RBFOX1: variants seen among roughly 807,000 people sequenced by gnomAD.
RBFOX1 encodes RNA binding fox-1 homolog 1, also known as RNA binding protein fox-1 homolog 1.
A neutral mutation model predicts 57.7 loss-of-function variants in RBFOX1; 8 were observed. The observed-to-expected ratio is 0.14, with a 90% CI of 0.08 to 0.25. The LOEUF (loss-of-function observed/expected upper bound fraction) is 0.25. RBFOX1 is among the 10% of genes least tolerant of loss of function. The pLI is 1.00. For missense variants in RBFOX1, 611 were observed against 548.5 expected (o/e 1.11, Z -1.14); for synonymous variants, 326 against 222.4 (o/e 1.47, Z -4.15).
At chr16:6,630,687 A>T (rs1185136252) in intron 2 of RBFOX1, among the ~76,000 whole-genome samples, 2 of 152,204 alleles carry the variant, frequency 1.3e-5, no homozygotes, top group African/African-American at 4.8e-5. Flanking sequence ...ATTTCTGTTA[A>T]GTATCTCCAT....
At chr16:7,003,253 G>C (rs1394917251) in intron 3 of RBFOX1, among the ~76,000 whole-genome samples, 1 of 152,030 alleles carries the variant, frequency 6.6e-6, no homozygotes, top group Non-Finnish European at 1.5e-5. Context: ...AAGGTCAGCA[G>C]ATCAAGACCA....
chr16:7,591,905 C>T (rs978097221), intron 7 of RBFOX1, among the ~76,000 whole-genome samples: 4 of 152,200 alleles, frequency 2.6e-5, no homozygotes, highest in Admixed American at 6.5e-5. Flanking sequence ...TTAGCACCCG[C>T]TCTCAAGGTT....
At chr16:5,334,099 G>C (rs1468818951) in intron 1 of RBFOX1, among the ~76,000 whole-genome samples, 1 of 152,178 alleles carries the variant, frequency 6.6e-6, no homozygotes, top group Non-Finnish European at 1.5e-5. Flanking sequence ...GTATTTAAGG[G>C]TTTAGGGCGA....
chr16:7,257,408 G>C (rs1357901685), intron 4 of RBFOX1, among the ~76,000 whole-genome samples: 4 of 152,092 alleles, frequency 2.6e-5, no homozygotes, highest in African/African-American at 4.8e-5. Flanking sequence ...TATTTCTGAA[G>C]TCACTGTAGG....
At chr16:7,548,736 A>G (rs939992825) in intron 5 of RBFOX1, among the ~76,000 whole-genome samples, 2 of 152,222 alleles carry the variant, frequency 1.3e-5, no homozygotes, top group Non-Finnish European at 2.9e-5. Flanking sequence ...AGCTTTGCTC[A>G]GAGTTTTCTT....
intron 2 of RBFOX1, among the ~76,000 whole-genome samples, chr16:6,639,721 A>C (rs1405366731): frequency 6.6e-6 from 1 of 152,114 alleles, no homozygotes; most frequent in East Asian, 1.9e-4. Flanking sequence ...CTAAAAATAC[A>C]AAACCAAATT....
chr16:5,735,718 G>C (rs374751578), intron 3 of RBFOX1, among the ~76,000 whole-genome samples: 2 of 152,096 alleles, frequency 1.3e-5, no homozygotes, highest in South Asian at 4.2e-4. Context: ...TCAACATGGT[G>C]AAACCCTGTT....
chr16:6,864,177 T>A (rs2059515282), intron 3 of RBFOX1, among the ~76,000 whole-genome samples: 1 of 152,140 alleles, frequency 6.6e-6, no homozygotes, highest in Non-Finnish European at 1.5e-5. Context: ...TAATAATTCT[T>A]GTCCCATTAC....
intron 2 of RBFOX1, among the ~76,000 whole-genome samples, chr16:6,515,956 G>T (rs1366570017): frequency 6.6e-6 from 1 of 152,072 alleles, no homozygotes; most frequent in Non-Finnish European, 1.5e-5. Context: ...TTAGGTACTG[G>T]TACTGAAATA....
At chr16:6,871,522 C>G (rs1254972579) in intron 3 of RBFOX1, among the ~76,000 whole-genome samples, 4 of 152,030 alleles carry the variant, frequency 2.6e-5, no homozygotes, top group East Asian at 1.9e-4. Flanking sequence ...TCCCTTATCC[C>G]TCATGCCCAG....
intron 4 of RBFOX1, among the ~76,000 whole-genome samples, chr16:5,889,319 G>C (rs2057986217): frequency 6.6e-6 from 1 of 152,126 alleles, no homozygotes; most frequent in Admixed American, 6.5e-5. Flanking sequence ...AGAACACGTG[G>C]TGTTTGCTTT....
At chr16:6,995,833 T>TA (rs1315255170) in intron 3 of RBFOX1, among the ~76,000 whole-genome samples, 1 of 152,162 alleles carries the variant, frequency 6.6e-6, no homozygotes, top group East Asian at 1.9e-4. Context: ...ACACTTGAGA[T>TA]TGGTTCAGAT....
At chr16:7,193,504 A>C (rs2085936910) in intron 4 of RBFOX1, among the ~76,000 whole-genome samples, 1 of 152,264 alleles carries the variant, frequency 6.6e-6, no homozygotes, top group Non-Finnish European at 1.5e-5. Context: ...AAGCTAATAC[A>C]GGCAAGTAAT....
intron 4 of RBFOX1, among the ~76,000 whole-genome samples, chr16:5,955,853 G>A (rs1393906755): frequency 2.6e-5 from 4 of 152,170 alleles, no homozygotes; most frequent in South Asian, 4.1e-4. Flanking sequence ...AGTTACCAGC[G>A]GAATGCAGGT....
At chr16:7,635,479 A>G (rs2061603142) in intron 11 of RBFOX1, among the ~76,000 whole-genome samples, 1 of 152,198 alleles carries the variant, frequency 6.6e-6, no homozygotes, top group Non-Finnish European at 1.5e-5. Context: ...TTTATCCAGT[A>G]ACATAAACCC....
At chr16:7,189,197 A>G (rs1273694674) in intron 4 of RBFOX1, among the ~76,000 whole-genome samples, 2 of 151,854 alleles carry the variant, frequency 1.3e-5, no homozygotes, top group African/African-American at 4.8e-5. Context: ...AGGCCGACGT[A>G]GGTAGATCAT....
At chr16:7,488,815 CATCT>C (rs1441885706) in intron 4 of RBFOX1, among the ~76,000 whole-genome samples, 3 of 152,042 alleles carry the variant, frequency 2.0e-5, no homozygotes, top group Admixed American at 6.5e-5. Context: ...TCTATCCATC[CATCT>C]ATCCATCTAT....
intron 3 of RBFOX1, among the ~76,000 whole-genome samples, chr16:7,040,263 C>G (rs183082564): frequency 1.3e-5 from 2 of 152,180 alleles, no homozygotes; most frequent in East Asian, 3.9e-4. Flanking sequence ...TCATGGTCCT[C>G]CTGCCTCAGC....
intron 3 of RBFOX1, among the ~76,000 whole-genome samples, chr16:5,739,173 T>C (rs1262080242): frequency 2.0e-5 from 3 of 152,226 alleles, no homozygotes; most frequent in Non-Finnish European, 4.4e-5. Context: ...CTTTTGCACA[T>C]AGAAGGTCTG....
Sources: gnomAD v4.1 joint callset for allele counts (sites outside exome capture counted in the v4.1 genomes callset) on GRCh38, gnomAD v4.1.1 for gene constraint, MANE v1.5 for transcripts, NCBI Gene and HGNC (gene_info 2026-07-23, HGNC 2026-07-21) for gene names.